The following XDH variants were observed in gnomAD, a reference collection of about 807,000 sequenced individuals.
XDH encodes xanthine dehydrogenase/oxidase.
In XDH, 138 loss-of-function variants were observed where a neutral mutation model predicts 156.1. That is an observed-to-expected ratio of 0.88 (90% CI 0.77 to 1.02). The LOEUF is 1.02. Ranked by LOEUF, XDH falls within the 50% of genes least tolerant of loss-of-function variation. The pLI is 0.00. For missense variants in XDH, 1,849 were observed against 1,684.9 expected (o/e 1.10, Z -1.71); for synonymous variants, 669 against 625.7 (o/e 1.07, Z -1.03).
At chr2:31,406,734 T>G (rs931412306) in intron 1 of XDH, among the ~76,000 whole-genome samples, 4 of 152,236 alleles carry the variant, frequency 2.6e-5, no homozygotes, top group African/African-American at 9.6e-5. Flanking sequence ...TTCAGGGGCA[T>G]CTGAGAGCAT....
chr2:31,374,087 T>C lies in XDH; in HGVS notation c.1603-131A>G, dbSNP rs1411499283. ...CTTCACTTCATACGCCTTTGAGTGC[T>C]GGCTGGATCTCTCAGCATCCAAACA... On this transcript the variant is annotated intron_variant, in intron 15 of 35. Coordinates refer to ENST00000379416, the MANE Select transcript of XDH (RefSeq NM_000379.4). 12 of 944,844 alleles carry C rather than the reference T, an allele frequency of 1.3e-5. No homozygotes were observed. In the East Asian group the frequency reaches 3.3e-4, roughly 26 times the overall value. The allele number at this position is 944,844 out of a possible 1,614,324, so 58.5% of individuals were successfully genotyped here.
chr2:31,385,088 C>A (rs751362989), intron 9 of XDH, among the ~76,000 whole-genome samples: 14 of 152,136 alleles, frequency 9.2e-5, no homozygotes, highest in Non-Finnish European at 1.8e-4. Flanking sequence ...GAAATGATCC[C>A]CTTGAGGCTG....
chr2:31,353,507 GCAGTCC>G (rs1035198941), intron 24 of XDH, among the ~76,000 whole-genome samples: 17 of 152,060 alleles, frequency 1.1e-4, no homozygotes, highest in African/African-American at 3.1e-4. Flanking sequence ...AAAAAAAAAG[GCAGTCC>G]CAGTAGGGAC....
At chr2:31,394,163 TC>T (rs1686844129) in intron 6 of XDH, among the ~76,000 whole-genome samples, 1 of 151,972 alleles carries the variant, frequency 6.6e-6, no homozygotes, top group Non-Finnish European at 1.5e-5. Context: ...CTGGCCTACA[TC>T]ATTTTCCTTC....
At chr2:31,346,340 C>T (rs999287950) in intron 30 of XDH, among the ~76,000 whole-genome samples, 3 of 152,136 alleles carry the variant, frequency 2.0e-5, no homozygotes, top group Admixed American at 6.5e-5. Flanking sequence ...TTTCTCCCCA[C>T]GCTGTCACAG....
chr2:31,358,869 G>T (rs1685699110), intron 24 of XDH, among the ~76,000 whole-genome samples: 1 of 152,034 alleles, frequency 6.6e-6, no homozygotes, highest in Non-Finnish European at 1.5e-5. Flanking sequence ...AACAAAGGAA[G>T]GATATATGAC....
intron 33 of XDH, among the ~76,000 whole-genome samples, chr2:31,340,879 C>T (rs1226444738): frequency 6.6e-6 from 1 of 152,126 alleles, no homozygotes; most frequent in African/African-American, 2.4e-5. Flanking sequence ...CCAGGGCCTT[C>T]CACCACTCCA....
chr2:31,404,578 CTACAATGGAAAT>C (rs1687147490), intron 2 of XDH, among the ~76,000 whole-genome samples: 1 of 152,172 alleles, frequency 6.6e-6, no homozygotes, highest in African/African-American at 2.4e-5. Context: ...GCCTTCAAAA[CTACAATGGAAAT>C]GATTAAAAAA....
Position 31,344,679 on chromosome 2 carries a change from C to T in XDH, c.3404+5G>A. 2 of 1,614,150 alleles carry T rather than the reference C, an allele frequency of 1.2e-6. No individual in the cohort carries two copies. The highest frequency in any genetic ancestry group is 1.7e-6 in the Non-Finnish European group (2 of 1,180,032). On this transcript the variant is annotated splice_donor_5th_base_variant and intron_variant, in intron 31 of 35. Transcript: ENST00000379416. ...TGAGCTGGGCAAGGACAACACCATA[C>T]TTACCTATAAAACCCAGTGGCAGAC...
chr2:31,414,692 C>G lies in XDH; in HGVS notation c.-26G>C. ...TGTCACAGGTTGGGGTCCCCGAACT[C>G]CAGGTACCTCACTCCTAAGAGACAC... On this transcript the variant is annotated 5_prime_UTR_variant, in exon 1 of 36. Coordinates refer to ENST00000379416, the MANE Select transcript of XDH (RefSeq NM_000379.4). 1 of 1,614,052 alleles carries G rather than the reference C, an allele frequency of 6.2e-7. No homozygotes were observed. The highest frequency in any genetic ancestry group is 8.5e-7 in the Non-Finnish European group (1 of 1,179,956).
At chr2:31,336,612 G>C (rs1003809329) in intron 35 of XDH, among the ~76,000 whole-genome samples, 46 of 151,324 alleles carry the variant, frequency 3.0e-4, no homozygotes, top group African/African-American at 1.1e-3. Context: ...AGTGCCACAC[G>C]GTCTGTGTAG....
intron 12 of XDH, among the ~76,000 whole-genome samples, chr2:31,381,357 C>A (rs188847444): frequency 1.3e-5 from 2 of 152,302 alleles, no homozygotes; most frequent in Admixed American, 1.3e-4. Flanking sequence ...TCCTGAAGAT[C>A]CAACAGCAGG....
intron 6 of XDH, among the ~76,000 whole-genome samples, chr2:31,392,658 C>T (rs894726606): frequency 3.3e-5 from 5 of 151,930 alleles, no homozygotes; most frequent in Non-Finnish European, 4.4e-5. Context: ...CTCCTGACCT[C>T]GTGATCCGCC....
intron 33 of XDH, among the ~76,000 whole-genome samples, chr2:31,340,481 T>C (rs1685097708): frequency 6.6e-6 from 1 of 152,192 alleles, no homozygotes; most frequent in Non-Finnish European, 1.5e-5. Context: ...ATTTTATTTA[T>C]TTTTTTGAGA....
In XDH at chr2:31,401,207, T is replaced by C; in HGVS notation, c.306+13A>G. 6.2e-7 allele frequency: 1 copy of C among 1,613,878 alleles called. No individual in the cohort carries two copies. Among genetic ancestry groups the C allele is most frequent in the Non-Finnish European group, 8.5e-7 (1 of 1,179,892 alleles). ...CCTGATCTCAAGAGCACAGCTCCCT[T>C]TCCTCTGTTTACCTGCACAGGATGC... On this transcript the variant is annotated intron_variant, in intron 4 of 35. Transcript: ENST00000379416.
At chr2:31,381,154 C>T (rs1183743892) in intron 12 of XDH, among the ~76,000 whole-genome samples, 1 of 152,066 alleles carries the variant, frequency 6.6e-6, no homozygotes, top group Non-Finnish European at 1.5e-5. Context: ...CACCACCACA[C>T]CCAGCTAATT....
intron 34 of XDH, among the ~76,000 whole-genome samples, chr2:31,338,302 G>T (rs1282372778): frequency 6.6e-6 from 1 of 152,148 alleles, no homozygotes; most frequent in African/African-American, 2.4e-5. Context: ...AGCATAGGTT[G>T]GTTTTTCTCC....
chr2:31,356,191 C>T (rs1185205607), intron 24 of XDH, among the ~76,000 whole-genome samples: 1 of 152,062 alleles, frequency 6.6e-6, no homozygotes, highest in Non-Finnish European at 1.5e-5. Context: ...TTTCAATGCT[C>T]CTCTCTCAAA....
At chr2:31,366,655 T>G (rs1685921344) in intron 21 of XDH, among the ~76,000 whole-genome samples, 1 of 152,168 alleles carries the variant, frequency 6.6e-6, no homozygotes, top group Non-Finnish European at 1.5e-5. Flanking sequence ...AGGCCCCATT[T>G]TATAAATGAG....
Sources: allele counts gnomAD v4.1 joint callset (sites outside exome capture counted in the v4.1 genomes callset), GRCh38; gene constraint gnomAD v4.1.1; transcripts MANE v1.5; gene names NCBI Gene and HGNC (gene_info 2026-07-23, HGNC 2026-07-21).